LYPD6B: variants seen among roughly 807,000 people sequenced by gnomAD.
The protein encoded by LYPD6B is LY6/PLAUR domain containing 6B.
Under a neutral mutation model 22.8 loss-of-function variants are expected in LYPD6B, and 17 were observed. The observed-to-expected ratio is 0.75, with a 90% CI of 0.51 to 1.12. The LOEUF (loss-of-function observed/expected upper bound fraction) is 1.12. LYPD6B is among the 50% of genes most tolerant of loss of function. The pLI is 0.00. For missense variants in LYPD6B, 221 were observed against 258.3 expected, an observed-to-expected ratio of 0.86 and a Z score of 0.99; for synonymous variants, 106 against 91.6, an observed-to-expected ratio of 1.16 and a Z score of -0.90.
At chr2:149,189,355 TATATATATATATACAC>T (rs200513205) in intron 3 of LYPD6B, among the ~76,000 whole-genome samples, 16,049 of 111,314 alleles carry the variant, frequency 0.14, 1,552 homozygotes, top group Admixed American at 0.16. Context: ...TATATATATA[TATATATATATATACAC>T]ACACATATGT....
At chr2:149,068,958 C>A (rs1684467071) in intron 1 of LYPD6B, 1 of 248,002 alleles carries the variant, frequency 4.0e-6, no homozygotes, top group African/African-American at 2.3e-5. Flanking sequence ...ATTATCTCGT[C>A]CGTCTCTTGT....
At chr2:149,186,284 T>C (rs1216101484) in intron 3 of LYPD6B, among the ~76,000 whole-genome samples, 3 of 152,184 alleles carry the variant, frequency 2.0e-5, no homozygotes, top group African/African-American at 7.2e-5. Context: ...AAAACAGCCT[T>C]ATTGCTAATA....
chr2:149,096,902 T>C (rs1685927637), intron 1 of LYPD6B, among the ~76,000 whole-genome samples: 1 of 152,158 alleles, frequency 6.6e-6, no homozygotes, highest in African/African-American at 2.4e-5. Context: ...TTTAAAAGTG[T>C]GAATAGAACC....
chr2:149,063,844 G>C (rs1326369735), intron 1 of LYPD6B, among the ~76,000 whole-genome samples: 1 of 151,914 alleles, frequency 6.6e-6, no homozygotes, highest in Non-Finnish European at 1.5e-5. Flanking sequence ...GAAGCAACTA[G>C]CAAGGAAAAA....
At chr2:149,057,086 T>C (rs1054095054) in intron 1 of LYPD6B, among the ~76,000 whole-genome samples, 5 of 152,218 alleles carry the variant, frequency 3.3e-5, no homozygotes, top group Non-Finnish European at 1.5e-5. Flanking sequence ...ATTACATAGG[T>C]CATACCTTAA....
Position 149,061,198 on chromosome 2 carries a change from A to AT in LYPD6B, c.-67+22413dup, listed in dbSNP as rs56064422. Among the ~76,000 whole-genome samples, 70 of 140,890 alleles carry AT rather than the reference A, an allele frequency of 5.0e-4. No individual in the cohort carries two copies. In the Middle Eastern group the frequency reaches 0.018, roughly 37 times the overall value. 92.4% of individuals were successfully genotyped at this position (140,890 alleles called of 152,430 possible). The stretch of plus-strand genomic sequence containing the variant: ...TCTCAGACTTAGCAGGCTGCAGTGC[A>AT]TTTTTTTTTTTTTTTTGAGACAGGG... On this transcript the variant is annotated intron_variant, in intron 1 of 6. Transcript: ENST00000409642.
chr2:149,123,583 A>G (rs1294963276), intron 1 of LYPD6B, among the ~76,000 whole-genome samples: 1 of 152,112 alleles, frequency 6.6e-6, no homozygotes, highest in Non-Finnish European at 1.5e-5. Context: ...GAAAAGAACA[A>G]TTTAAAAATG....
chr2:149,178,225 C>T (rs992955267), intron 3 of LYPD6B, among the ~76,000 whole-genome samples: 3 of 152,216 alleles, frequency 2.0e-5, no homozygotes, highest in Non-Finnish European at 4.4e-5. Flanking sequence ...GCTTCCAGCA[C>T]AGCCTTTCCA....
intron 1 of LYPD6B, among the ~76,000 whole-genome samples, chr2:149,045,063 T>C (rs1191261713): frequency 2.0e-5 from 3 of 152,070 alleles, no homozygotes; most frequent in African/African-American, 7.2e-5. Flanking sequence ...AGAGTTTTCT[T>C]TGTTGGAAGG....
intron 1 of LYPD6B, among the ~76,000 whole-genome samples, chr2:149,052,807 T>A (rs764748699): frequency 3.3e-5 from 5 of 152,194 alleles, no homozygotes; most frequent in Non-Finnish European, 7.3e-5. Context: ...AAAATAACAA[T>A]GTTCTTTTAT....
chr2:149,042,037 C>G (rs1043658986), intron 1 of LYPD6B, among the ~76,000 whole-genome samples: 1 of 152,190 alleles, frequency 6.6e-6, no homozygotes, highest in African/African-American at 2.4e-5. Flanking sequence ...CTACCTTCCC[C>G]GGAAACTCCC....
intron 3 of LYPD6B, among the ~76,000 whole-genome samples, chr2:149,165,755 C>T (rs1470684549): frequency 1.3e-5 from 2 of 152,178 alleles, no homozygotes; most frequent in African/African-American, 4.8e-5. Context: ...GGAGGTCAGG[C>T]TTCAGAGTCT....
chr2:149,054,101 C>T (rs1683683621), intron 1 of LYPD6B, among the ~76,000 whole-genome samples: 1 of 152,200 alleles, frequency 6.6e-6, no homozygotes, highest in Non-Finnish European at 1.5e-5. Context: ...TTTCAGTTCT[C>T]TTGCATATAC....
intron 1 of LYPD6B, among the ~76,000 whole-genome samples, chr2:149,129,596 C>T (rs1687902990): frequency 1.3e-5 from 2 of 152,240 alleles, no homozygotes; most frequent in African/African-American, 4.8e-5. Flanking sequence ...AATGCAGCCT[C>T]AGTTGTGTAC....
At chr2:149,064,684 A>G (rs1684243604) in intron 1 of LYPD6B, among the ~76,000 whole-genome samples, 1 of 152,228 alleles carries the variant, frequency 6.6e-6, no homozygotes, top group African/African-American at 2.4e-5. Context: ...TTCCCACTGC[A>G]TGTAATTAGC....
chr2:149,188,593 T>A (rs1438617656), intron 3 of LYPD6B: 1 of 424,494 alleles, frequency 2.4e-6, no homozygotes, highest in Admixed American at 6.4e-5. Flanking sequence ...CAGGATTATG[T>A]AAATCACTCA....
At chr2:149,094,587 G>T (rs561037463) in intron 1 of LYPD6B, among the ~76,000 whole-genome samples, 1 of 152,242 alleles carries the variant, frequency 6.6e-6, no homozygotes, top group South Asian at 2.1e-4. Context: ...GTAAGACTGG[G>T]ATTCTTGAGA....
intron 1 of LYPD6B, among the ~76,000 whole-genome samples, chr2:149,109,558 T>A (rs370827544): frequency 7.9e-5 from 12 of 152,294 alleles, no homozygotes; most frequent in African/African-American, 2.9e-4. Flanking sequence ...GTTTATAATA[T>A]TCATCAAATT....
chr2:149,161,915 A>G (rs1321861815), intron 3 of LYPD6B, among the ~76,000 whole-genome samples: 4 of 152,148 alleles, frequency 2.6e-5, no homozygotes, highest in Admixed American at 2.0e-4. Context: ...TATGACCCTA[A>G]TAAGGCCCAA....
Sources: gnomAD v4.1 joint callset for allele counts (sites outside exome capture counted in the v4.1 genomes callset) on GRCh38, gnomAD v4.1.1 for gene constraint, MANE v1.5 for transcripts, NCBI Gene and HGNC (gene_info 2026-07-23, HGNC 2026-07-21) for gene names.